Variants in BIN1 observed in about 807,000 individuals in gnomAD.
BIN1 encodes bridging integrator 1, also known as myc box-dependent-interacting protein 1.
Under a neutral mutation model 82.0 loss-of-function variants are expected in BIN1, and 53 were observed. The observed-to-expected ratio is 0.65, with a 90% CI of 0.52 to 0.81. The LOEUF (loss-of-function observed/expected upper bound fraction) is 0.81, where lower values mean the gene tolerates loss of function less well. Ranked by LOEUF, BIN1 falls within the 40% of genes least tolerant of loss-of-function variation. The pLI is 0.00. For missense variants in BIN1, 642 were observed against 784.4 expected (o/e 0.82, Z 2.17); for synonymous variants, 302 against 328.0 (o/e 0.92, Z 0.86).
chr2:127,055,911 C>T (rs7567679), intron 12 of BIN1: 3,343 of 152,332 alleles, frequency 0.022, 63 homozygotes, highest in Non-Finnish European at 0.029. Context: ...CAGACCAGAC[C>T]GGGAAGACCA....
chr2:127,048,256 ACACATGCGGGCACAGGCAGGGGCG>A lies in BIN1; in HGVS notation c.*246_*269del. On this transcript the variant is annotated 3_prime_UTR_variant, in exon 19 of 19. Transcript: ENST00000316724. ...CCCCAGCCCCGCCCTGCGGCCAGGC[ACACATGCGGGCACAGGCAGGGGCG>A]CCAGAAACTCAACTAGAGGACACAG... 2.2e-6 allele frequency: 1 copy of A among 462,572 alleles called. No homozygotes were observed. Among genetic ancestry groups the A allele is most frequent in the Non-Finnish European group, 4.0e-6 (1 of 250,880 alleles). The allele number at this position is 462,572 out of a possible 1,614,324, so 28.7% of individuals were successfully genotyped here. A position where few individuals can be genotyped will look rare whatever the true frequency, so the allele number is the denominator to read the frequency against.
At position 127,081,858 on chromosome 2, in the gene BIN1, C is replaced by T. The variant is rs4663093; in HGVS notation, c.85-5152G>A. 19,871 of 1,287,494 alleles carry T rather than the reference C, an allele frequency of 0.015. 997 individuals carry two copies. In the East Asian group the frequency reaches 0.16, roughly 11 times the overall value. The allele number at this position is 1,287,494 out of a possible 1,614,324, so 79.8% of individuals were successfully genotyped here. ...TTCCGCATCATCTCCTCCCCACCTG[C>T]CTGCACAGGAAGGGCGGGCTGAGAA... On this transcript the variant is annotated intron_variant, in intron 1 of 18. Coordinates refer to ENST00000316724, the MANE Select transcript of BIN1 (RefSeq NM_139343.3).
intron 1 of BIN1, among the ~76,000 whole-genome samples, chr2:127,100,546 C>T (rs1353649392): frequency 6.6e-6 from 1 of 152,232 alleles, no homozygotes; most frequent in Admixed American, 6.5e-5. Flanking sequence ...CAGTTTCTTC[C>T]TTTGTGGATG....
At chr2:127,088,079 C>T (rs891310327) in intron 1 of BIN1, among the ~76,000 whole-genome samples, 8 of 152,180 alleles carry the variant, frequency 5.3e-5, no homozygotes, top group African/African-American at 1.9e-4. Context: ...TGTGAAGAGT[C>T]CCCACCCCGG....
Position 127,048,598 on chromosome 2 carries a change from G to A in BIN1, c.1710C>T (p.Asp570=), listed in dbSNP as rs587783342. Residue 570 remains aspartate (D), a synonymous_variant, in exon 19 of 19, where the codon GAC becomes GAT. Transcript: ENST00000316724. ...EGWLMGVKES[D]WNQHKELEKC... ...TCTCCAGCTCCTTGTGCTGGTTCCA[G>A]TCGCTCTCCTTCACGCCCATGAGCC... The A allele has an allele frequency of 1.2e-6, 2 of 1,613,574 alleles. No homozygotes were observed. Among genetic ancestry groups the A allele is most frequent in the South Asian group, 1.1e-5 (1 of 91,056 alleles).
intron 5 of BIN1, 123 bp from the exon 6 acceptor site, chr2:127,069,154 G>A: frequency 1.1e-6 from 1 of 876,590 alleles, no homozygotes; most frequent in East Asian, 2.6e-5. Context: ...GAACCCTTGA[G>A]CCCTTGTTGC....
chr2:127,083,563 T>A (rs1687571033), intron 1 of BIN1, among the ~76,000 whole-genome samples: 1 of 152,146 alleles, frequency 6.6e-6, no homozygotes, highest in African/African-American at 2.4e-5. Flanking sequence ...GCACCCCCAA[T>A]ACATCCAAAA....
Position 127,070,573 on chromosome 2 carries a change from C to T in BIN1, c.295G>A (p.Glu99Lys). Residue 99 changes from glutamate (E) to lysine (K), a missense_variant, in exon 4 of 19, where the codon GAG (glutamate) becomes AAG (lysine). By Grantham distance (56) the Glu-to-Lys change is moderately conservative. Transcript: ENST00000316724. ...CTCACCTCTGCGATCTTGTTTGCCT[C>T]ATCCCTGCCGGGCCAATCGGGCTCA... ...VYEPDWPGRD[E>K]ANKIAENNDL... 1.2e-6 allele frequency: 2 copies of T among 1,614,128 alleles called. No homozygotes were observed. The highest frequency in any genetic ancestry group is 1.3e-5 in the African/African-American group (1 of 75,046).
rs955517071 is a variant in BIN1 at position 127,082,302 on chromosome 2, T to C, written c.85-5596A>G. Among the ~76,000 whole-genome samples, 13 of 152,108 alleles carry C rather than the reference T, an allele frequency of 8.5e-5. No individual in the cohort carries two copies. The highest frequency in any genetic ancestry group is 6.5e-4 in the Admixed American group (10 of 15,282). ...TGTGGATGATGACACAGGGCTGGCC[T>C]CGGGGATCTTTCCGCCCTCATGCTC... is the stretch of plus-strand genomic sequence containing the variant. On this transcript the variant is annotated intron_variant, in intron 1 of 18. Transcript: ENST00000316724. This position sits in a 1 kb window ranked among gnomAD's most constrained non-coding sequence, Gnocchi z 6.1.
At chr2:127,095,604 C>T (rs988441543) in intron 1 of BIN1, among the ~76,000 whole-genome samples, 2 of 152,226 alleles carry the variant, frequency 1.3e-5, no homozygotes, top group African/African-American at 4.8e-5. Context: ...CCCTTCCAAG[C>T]TCTTCTTACC....
At chr2:127,070,872 A>G in intron 2 of BIN1, 56 bp from the exon 3 acceptor site, 1 of 1,520,398 alleles carries the variant, frequency 6.6e-7, no homozygotes, top group Non-Finnish European at 8.9e-7. Context: ...CCAGTCCCTG[A>G]CCCTCTCCTT....
At position 127,050,892 on chromosome 2, in the gene BIN1, C is replaced by T. The variant is rs1191721751; in HGVS notation, c.1482G>A (p.Val494=). The T allele has an allele frequency of 6.2e-7, 1 of 1,614,004 alleles. No individual in the cohort carries two copies. The highest frequency in any genetic ancestry group is 1.7e-5 in the Admixed American group (1 of 60,030). ...EAASSSLPAV[V]VETFPATVNG... ...TCACAGTTGCTGGGAAGGTCTCCACCACGACAGCAGGAAGAGAGCTCTGGT... is the reference window on the plus strand; with the variant it reads ...TCACAGTTGCTGGGAAGGTCTCCACTACGACAGCAGGAAGAGAGCTCTGGT... The change falls in exon 17 of 19, where the codon GTG becomes GTA. Residue 494 remains valine (V), a synonymous_variant. Coordinates refer to ENST00000316724, the MANE Select transcript of BIN1 (RefSeq NM_139343.3).
In BIN1 at chr2:127,051,235, C is replaced by T. The variant is rs932360356; in HGVS notation, c.1380G>A (p.Glu460=). 6 of 1,613,674 alleles carry T rather than the reference C, an allele frequency of 3.7e-6. No individual in the cohort carries two copies. In the African/African-American group the frequency reaches 8.0e-5, roughly 22 times the overall value. ...TAEPGPAQPA[E]ASEVAGGTQP... is the part of the protein sequence containing the mutation. ...GGGTCCCACCCGCCACCTCCGAGGC[C>T]TCTGCTGGCTGCAACATAAATGCCG... The change falls in exon 16 of 19, where the codon GAG becomes GAA. Residue 460 remains glutamate (E), a synonymous_variant. Transcript: ENST00000316724.
chr2:127,051,770 G>A (rs1480952845), intron 15 of BIN1, among the ~76,000 whole-genome samples: 2 of 152,148 alleles, frequency 1.3e-5, no homozygotes, highest in South Asian at 2.1e-4. Flanking sequence ...ACCGCAGCAC[G>A]GGCACCGCAG....
At chr2:127,063,892 G>A (rs778606275) in intron 8 of BIN1, 41 bp downstream of exon 8, 7 of 1,611,190 alleles carry the variant, frequency 4.3e-6, no homozygotes, top group Middle Eastern at 1.6e-4. Flanking sequence ...ACGCAGACTG[G>A]ACACTGCCCC....
chr2:127,087,201 G>A (rs1054029043), intron 1 of BIN1, among the ~76,000 whole-genome samples: 124 of 152,248 alleles, frequency 8.1e-4, no homozygotes, highest in African/African-American at 2.6e-3. Flanking sequence ...CAGCCCGGCC[G>A]GCCCCTGGAG....
At chr2:127,076,825 C>T in intron 1 of BIN1, 119 bp from the exon 2 acceptor site, 2 of 1,201,228 alleles carry the variant, frequency 1.7e-6, no homozygotes, top group South Asian at 1.2e-5. Flanking sequence ...CCAACATCAC[C>T]CAGCCCAGGG....
rs1241466761 is a variant in BIN1, at chr2:127,067,017, G to A, written c.612+1146C>T. Among the ~76,000 whole-genome samples, 2 of 150,658 alleles carry A rather than the reference G, an allele frequency of 1.3e-5. No homozygotes were observed. The highest frequency in any genetic ancestry group is 2.4e-5 in the African/African-American group (1 of 40,828). On this transcript the variant is annotated intron_variant, in intron 7 of 18. Coordinates refer to ENST00000316724, the MANE Select transcript of BIN1 (RefSeq NM_139343.3). The surrounding 1 kb of genome is among the most constrained non-coding windows in gnomAD (Gnocchi z 4.7). ...GTTGGGGAAGTCAAGGCTGCAGTGA[G>A]TCATGATCACACCACTGCACTCCAG...
chr2:127,099,377 C>T (rs1174243525), intron 1 of BIN1, among the ~76,000 whole-genome samples: 11 of 146,306 alleles, frequency 7.5e-5, no homozygotes, highest in Non-Finnish European at 9.1e-5. Context: ...TGTGTGGTAG[C>T]GGGGGCAGTG....
Sources: gnomAD v4.1 joint callset for allele counts (sites outside exome capture counted in the v4.1 genomes callset) on GRCh38, gnomAD v4.1.1 for gene constraint, Gnocchi (gnomAD v3.1) non-coding constraint, MANE v1.5 for transcripts, NCBI Gene and HGNC (gene_info 2026-07-23, HGNC 2026-07-21) for gene names.